Variants in EPM2A observed in about 807,000 individuals in gnomAD.
EPM2A encodes EPM2A glucan phosphatase, laforin.
EPM2A carries 21 observed loss-of-function variants against 26.5 expected under a neutral mutation model. That is an observed-to-expected ratio of 0.79 (90% CI 0.56 to 1.14). The LOEUF is 1.14. Ranked by LOEUF, EPM2A falls within the 50% of genes most tolerant of loss-of-function variation. EPM2A has a pLI of 0.00. For missense variants in EPM2A, 458 were observed against 440.8 expected, an observed-to-expected ratio of 1.04 and a Z score of -0.35; for synonymous variants, 217 against 177.6, an observed-to-expected ratio of 1.22 and a Z score of -1.76.
chr6:145,678,525 T>G (rs537531017), intron 2 of EPM2A, among the ~76,000 whole-genome samples: 33 of 152,050 alleles, frequency 2.2e-4, no homozygotes, highest in Non-Finnish European at 4.0e-4. Context: ...ATATCCAGAA[T>G]CTACAAAGAA....
At chr6:145,428,534 T>A (rs1778881784) in intron 4 of EPM2A, among the ~76,000 whole-genome samples, 1 of 152,220 alleles carries the variant, frequency 6.6e-6, no homozygotes, top group Non-Finnish European at 1.5e-5. Context: ...AGGAGAATCA[T>A]CATCATAATT....
chr6:145,649,762 T>C (rs1395499471), intron 2 of EPM2A, among the ~76,000 whole-genome samples: 1 of 152,230 alleles, frequency 6.6e-6, no homozygotes, highest in African/African-American at 2.4e-5. Context: ...TTACATATTG[T>C]CACAGCTACT....
At chr6:145,635,174 A>G (rs747850839) in intron 3 of EPM2A, 71 bp downstream of exon 3, 284 of 1,555,006 alleles carry the variant, frequency 1.8e-4, no homozygotes, top group Non-Finnish European at 2.4e-4. Context: ...ATATTAAATT[A>G]TAGATAGACA....
At chr6:145,468,743 C>A (rs72998749) in intron 4 of EPM2A, among the ~76,000 whole-genome samples, 4,805 of 152,106 alleles carry the variant, frequency 0.032, 121 homozygotes, top group Non-Finnish European at 0.052. Flanking sequence ...TTGAGTAATA[C>A]CCCATCACAA....
intron 4 of EPM2A, among the ~76,000 whole-genome samples, chr6:145,437,942 A>G (rs2114697684): frequency 6.6e-6 from 1 of 152,260 alleles, no homozygotes; most frequent in East Asian, 1.9e-4. Flanking sequence ...GCTAGAAATC[A>G]GAATGCAAAT....
chr6:145,400,367 G>A lies in EPM2A; in HGVS notation c.556-16270C>T, dbSNP rs77171021. ...CACAGAAGGTCAGACAGAAAGTCAC[G>A]TCTCATTATACTCCCTCCCTCACTA... is the stretch of plus-strand genomic sequence containing the variant. On this transcript the variant is annotated intron_variant, in intron 4 of 4. Coordinates refer to the EPM2A transcript ENST00000638717. Among the ~76,000 whole-genome samples, 493 of 152,268 alleles carry A rather than the reference G, an allele frequency of 3.2e-3. 11 individuals carry two copies. The East Asian group carries it at 0.058, about 18-fold the overall frequency.
At chr6:145,422,765 C>T (rs1778805605) in intron 4 of EPM2A, among the ~76,000 whole-genome samples, 1 of 152,020 alleles carries the variant, frequency 6.6e-6, no homozygotes, top group African/African-American at 2.4e-5. Context: ...TCCTACTATT[C>T]CCCTATTCCT....
At chr6:145,633,802 T>G (rs547233269) in intron 3 of EPM2A, 1 of 152,334 alleles carries the variant, frequency 6.6e-6, no homozygotes, top group Admixed American at 6.5e-5. Context: ...AGAACCTGCC[T>G]GAAGCGTCTG....
chr6:145,513,944 G>T (rs886645083), intron 2 of EPM2A, among the ~76,000 whole-genome samples: 1 of 152,144 alleles, frequency 6.6e-6, no homozygotes, highest in Non-Finnish European at 1.5e-5. Context: ...AATAGGCAAG[G>T]AGCTCTGTTT....
intron 4 of EPM2A, among the ~76,000 whole-genome samples, chr6:145,418,864 T>C (rs1158503317): frequency 6.6e-6 from 1 of 152,192 alleles, no homozygotes; most frequent in Non-Finnish European, 1.5e-5. Context: ...TTCTCCTCAA[T>C]TCCATGAAGT....
intron 2 of EPM2A, among the ~76,000 whole-genome samples, chr6:145,663,536 G>C (rs1286244708): frequency 3.9e-5 from 6 of 152,292 alleles, no homozygotes; most frequent in Non-Finnish European, 8.8e-5. Flanking sequence ...ATCTACGTCT[G>C]ATTGGTGTAC....
intron 4 of EPM2A, among the ~76,000 whole-genome samples, chr6:145,398,677 T>C (rs563687516): frequency 6.6e-6 from 1 of 152,102 alleles, no homozygotes; most frequent in African/African-American, 2.4e-5. Flanking sequence ...CTCACCAACA[T>C]GGCGAAACCC....
Position 145,617,640 on chromosome 6 carries a change from A to G in EPM2A, c.340+17605T>C, listed in dbSNP as rs186730877. 6.6e-5 allele frequency among the ~76,000 whole-genome samples: 10 copies of G among 152,350 alleles called. No individual in the cohort carries two copies. The East Asian group carries it at 1.5e-3, about 23-fold the overall frequency. On this transcript the variant is annotated intron_variant, in intron 2 of 3. Transcript: ENST00000450221. ...TTTTCTTCACATTTCTCTTAGATTG[A>G]AATATACATTAGATCTGGCCTGGTG...
At chr6:145,572,007 C>T (rs1780965018) in intron 2 of EPM2A, among the ~76,000 whole-genome samples, 1 of 152,206 alleles carries the variant, frequency 6.6e-6, no homozygotes, top group Admixed American at 6.5e-5. Flanking sequence ...ACTTTTCAAT[C>T]ATGCTTCTTC....
At chr6:145,468,318 C>T (rs1445838880) in intron 4 of EPM2A, among the ~76,000 whole-genome samples, 2 of 152,014 alleles carry the variant, frequency 1.3e-5, no homozygotes, top group African/African-American at 4.8e-5. Context: ...ACTTTAATCG[C>T]CGTACATTGT....
At chr6:145,529,628 C>G (rs961286827) in intron 2 of EPM2A, among the ~76,000 whole-genome samples, 1 of 152,124 alleles carries the variant, frequency 6.6e-6, no homozygotes, top group African/African-American at 2.4e-5. Context: ...AAACCAAAAA[C>G]TGTGTGTGAC....
chr6:145,560,920 A>T (rs1780795698), intron 2 of EPM2A, among the ~76,000 whole-genome samples: 1 of 152,116 alleles, frequency 6.6e-6, no homozygotes, highest in Non-Finnish European at 1.5e-5. Flanking sequence ...TGTTGATTTT[A>T]AAAATGTTTC....
At chr6:145,613,357 A>G (rs980076098) in intron 2 of EPM2A, among the ~76,000 whole-genome samples, 1 of 152,120 alleles carries the variant, frequency 6.6e-6, no homozygotes, top group Non-Finnish European at 1.5e-5. Context: ...GAAGTCTTGA[A>G]TCCCTCAAAG....
chr6:145,671,277 G>A, intron 2 of EPM2A: 7 of 1,047,716 alleles, frequency 6.7e-6, no homozygotes, highest in Non-Finnish European at 8.1e-6. Flanking sequence ...TAAAATATGT[G>A]TATTTCCAAA....
Sources: allele counts gnomAD v4.1 joint callset (sites outside exome capture counted in the v4.1 genomes callset), GRCh38; gene constraint gnomAD v4.1.1; transcripts MANE v1.5; gene names NCBI Gene and HGNC (gene_info 2026-07-23, HGNC 2026-07-21).